GRIN2B: variants seen among roughly 807,000 people sequenced by gnomAD.
GRIN2B encodes glutamate receptor ionotropic, NMDA 2B.
A neutral mutation model predicts 114.5 loss-of-function variants in GRIN2B; 5 were observed. That is an observed-to-expected ratio of 0.04 (90% CI 0.02 to 0.09). The LOEUF is 0.09. Among genes scored for constraint, GRIN2B ranks in the 10% least tolerant of loss-of-function variants. GRIN2B has a pLI of 1.00. For missense variants in GRIN2B, 1,108 were observed against 1,943.5 expected (o/e 0.57, Z 8.08); for synonymous variants, 787 against 745.1 (o/e 1.06, Z -0.92).
intron 2 of GRIN2B, among the ~76,000 whole-genome samples, chr12:13,902,681 T>G (rs1866471434): frequency 6.6e-6 from 1 of 152,058 alleles, no homozygotes; most frequent in Non-Finnish European, 1.5e-5. Context: ...TGTGGTGGCC[T>G]GCGCCTGTAA....
intron 2 of GRIN2B, among the ~76,000 whole-genome samples, chr12:13,867,538 G>T (rs1251478209): frequency 3.9e-5 from 6 of 152,048 alleles, no homozygotes; most frequent in Admixed American, 3.9e-4. Context: ...CATATTTACT[G>T]CCCGAATCCA....
rs184709700 is a variant in GRIN2B, at chr12:13,750,314, A to G, written c.1010+3003T>C. ...TCTCAGGCCTCAGAGAGATGGCAAC[A>G]AAGGTTAAAACCAATTGCGATTTCA... On this transcript the variant is annotated intron_variant, in intron 4 of 13. Coordinates refer to ENST00000609686, the MANE Select transcript of GRIN2B (RefSeq NM_000834.5). 2.9e-3 allele frequency among the ~76,000 whole-genome samples: 435 copies of G among 152,350 alleles called. 4 individuals carry two copies. The highest frequency in any genetic ancestry group is 2.7e-3 in the Non-Finnish European group (181 of 68,036).
chr12:13,665,343 C>T (rs1457290226), intron 5 of GRIN2B, among the ~76,000 whole-genome samples: 1 of 152,094 alleles, frequency 6.6e-6, no homozygotes, highest in South Asian at 2.1e-4. Context: ...TCTGGGCTAA[C>T]CAGCCTCCAC....
chr12:13,606,030 ACT>A (rs1460465823), intron 10 of GRIN2B, among the ~76,000 whole-genome samples: 3 of 151,914 alleles, frequency 2.0e-5, no homozygotes, highest in African/African-American at 4.8e-5. Flanking sequence ...GCCCTGCTAT[ACT>A]CTGTGTGGTA....
intron 3 of GRIN2B, among the ~76,000 whole-genome samples, chr12:13,764,459 T>C (rs1565528952): frequency 6.6e-6 from 1 of 152,138 alleles, no homozygotes; most frequent in Non-Finnish European, 1.5e-5. Context: ...GCTAACACCG[T>C]TGGCCCAAAA....
intron 4 of GRIN2B, among the ~76,000 whole-genome samples, chr12:13,713,829 C>T (rs749553299): frequency 6.6e-6 from 1 of 151,810 alleles, no homozygotes; most frequent in African/African-American, 2.4e-5. Flanking sequence ...TATTACCAAC[C>T]ACTTAGAGCT....
At chr12:13,930,758 C>A (rs564293745) in intron 2 of GRIN2B, among the ~76,000 whole-genome samples, 1 of 152,182 alleles carries the variant, frequency 6.6e-6, no homozygotes, top group Admixed American at 6.5e-5. Flanking sequence ...TAGACCTTGG[C>A]AAGCCAAATC....
At chr12:13,784,628 T>A (rs913882364) in intron 3 of GRIN2B, among the ~76,000 whole-genome samples, 1 of 152,146 alleles carries the variant, frequency 6.6e-6, no homozygotes, top group East Asian at 1.9e-4. Flanking sequence ...GATAGAAGTG[T>A]CACTGTGCTA....
chr12:13,743,445 A>G (rs77866371), intron 4 of GRIN2B, among the ~76,000 whole-genome samples: 3,214 of 152,294 alleles, frequency 0.021, 110 homozygotes, highest in African/African-American at 0.073. Context: ...AGTCTCTAAT[A>G]TGCACACACA....
intron 3 of GRIN2B, among the ~76,000 whole-genome samples, chr12:13,803,505 T>C (rs1247149557): frequency 1.3e-5 from 2 of 152,212 alleles, no homozygotes; most frequent in African/African-American, 4.8e-5. Flanking sequence ...CTAAAACTCC[T>C]GTTCTCCTTG....
intron 3 of GRIN2B, among the ~76,000 whole-genome samples, chr12:13,770,950 G>A (rs190613232): frequency 2.9e-3 from 438 of 152,230 alleles, no homozygotes; most frequent in South Asian, 6.8e-3. Flanking sequence ...GAATGATTTC[G>A]ACAACTGGTT....
chr12:13,563,153 T>C lies in GRIN2B; in HGVS notation c.4085A>G (p.His1362Arg). 4 of 1,614,154 alleles carry C rather than the reference T, an allele frequency of 2.5e-6. No individual in the cohort carries two copies. Among genetic ancestry groups the C allele is most frequent in the Non-Finnish European group, 2.5e-6 (3 of 1,180,030 alleles). The stretch of plus-strand genomic sequence containing the variant: ...CCCGCCGCCGGGGTTGTTGTGGTGG[T>C]GATGTCCGGCAGTGGGCACTGAGGA... ...NKSSVPTAGH[H>R]HHNNPGGGYM... Residue 1362 changes from histidine (H) to arginine (R), a missense_variant, in exon 14 of 14, where the codon CAC (histidine) becomes CGC (arginine). Around this residue, in one of 19 missense-constraint regions of GRIN2B, gnomAD observed 478 missense variants for 506.0 expected, o/e 0.94. Transcript: ENST00000609686.
chr12:13,708,197 A>G (rs1011194675), intron 4 of GRIN2B, among the ~76,000 whole-genome samples: 2 of 152,082 alleles, frequency 1.3e-5, no homozygotes, highest in East Asian at 1.9e-4. Flanking sequence ...CAATTATAAG[A>G]TTCTCTTTGA....
chr12:13,838,023 G>T (rs1865309364), intron 3 of GRIN2B, among the ~76,000 whole-genome samples: 1 of 152,012 alleles, frequency 6.6e-6, no homozygotes, highest in East Asian at 1.9e-4. Flanking sequence ...TTCTCTAGTT[G>T]GATCTCCATG....
At chr12:13,806,912 T>TA (rs1473643088) in intron 3 of GRIN2B, among the ~76,000 whole-genome samples, 1 of 151,998 alleles carries the variant, frequency 6.6e-6, no homozygotes, top group African/African-American at 2.4e-5. Flanking sequence ...AGATAAGGGT[T>TA]AAAAAATCCA....
chr12:13,971,787 C>T (rs909746112), intron 2 of GRIN2B, among the ~76,000 whole-genome samples: 2 of 152,156 alleles, frequency 1.3e-5, no homozygotes, highest in African/African-American at 2.4e-5. Flanking sequence ...GCAGCCACAC[C>T]TGTTTTAAGG....
intron 3 of GRIN2B, among the ~76,000 whole-genome samples, chr12:13,820,471 A>C (rs1214898063): frequency 6.6e-6 from 1 of 152,208 alleles, no homozygotes; most frequent in African/African-American, 2.4e-5. Context: ...ATTTACCCTC[A>C]TGGAGCTTCT....
chr12:13,569,814 C>T lies in GRIN2B; in HGVS notation c.2359+16G>A, dbSNP rs781365670. On this transcript the variant is annotated intron_variant, in intron 12 of 13. Coordinates refer to ENST00000609686, the MANE Select transcript of GRIN2B (RefSeq NM_000834.5). The stretch of plus-strand genomic sequence containing the variant: ...CAGTAGAGGACAAATGGGCACTTTC[C>T]CTTTCTTGAACTCACCATCTCCAAA... 14 of 1,548,642 alleles carry T rather than the reference C, an allele frequency of 9.0e-6. No individual in the cohort carries two copies. In the African/African-American group the frequency reaches 1.8e-4, roughly 20 times the overall value.
At chr12:13,599,131 G>A (rs941787304) in intron 10 of GRIN2B, among the ~76,000 whole-genome samples, 2 of 152,166 alleles carry the variant, frequency 1.3e-5, no homozygotes, top group Non-Finnish European at 2.9e-5. Context: ...GGAAACATCC[G>A]AGACTATAGT....
Sources: allele counts gnomAD v4.1 joint callset (sites outside exome capture counted in the v4.1 genomes callset), GRCh38; gene constraint gnomAD v4.1.1; regional missense constraint gnomAD v4.1.1; transcripts MANE v1.5; gene names NCBI Gene and HGNC (gene_info 2026-07-23, HGNC 2026-07-21).